Variants in GFOD1 observed in about 807,000 individuals in gnomAD.
GFOD1 encodes the protein glucose-fructose oxidoreductase domain-containing protein 1.
GFOD1 carries 9 observed loss-of-function variants against 25.4 expected under a neutral mutation model. The ratio of observed to expected loss-of-function variants is 0.35; its 90% CI spans 0.21 to 0.62. The LOEUF (loss-of-function observed/expected upper bound fraction) is 0.62. Among genes scored for constraint, GFOD1 ranks in the 20% least tolerant of loss-of-function variants. The pLI is 0.72. For synonymous variants in GFOD1, 253 were observed against 245.6 expected, an observed-to-expected ratio of 1.03 and a Z score of -0.28; for missense variants, 403 against 556.9, an observed-to-expected ratio of 0.72 and a Z score of 2.78.
chr6:13,372,644 G>A (rs1158190253), intron 1 of GFOD1, among the ~76,000 whole-genome samples: 3 of 152,182 alleles, frequency 2.0e-5, no homozygotes, highest in East Asian at 3.9e-4. Context: ...CACAGAGCAG[G>A]TACCCGTTGC....
intron 1 of GFOD1, among the ~76,000 whole-genome samples, chr6:13,373,375 T>C (rs1441528930): frequency 6.6e-6 from 1 of 152,224 alleles, no homozygotes; most frequent in Non-Finnish European, 1.5e-5. Context: ...TAATGGTGTT[T>C]AATGTGGAAT....
intron 1 of GFOD1, among the ~76,000 whole-genome samples, chr6:13,476,540 A>C (rs1277500272): frequency 1.3e-5 from 2 of 152,244 alleles, no homozygotes; most frequent in Non-Finnish European, 2.9e-5. Flanking sequence ...AATCACTTAC[A>C]ATGGGTGAAT....
intron 1 of GFOD1, among the ~76,000 whole-genome samples, chr6:13,388,652 T>TA (rs1415029587): frequency 6.6e-6 from 1 of 152,098 alleles, no homozygotes; most frequent in East Asian, 1.9e-4. Context: ...CCTAAAACCA[T>TA]AAAAACACTA....
chr6:13,366,470 AGAT>A (rs1475467550), intron 1 of GFOD1, among the ~76,000 whole-genome samples: 1 of 152,054 alleles, frequency 6.6e-6, no homozygotes, highest in Non-Finnish European at 1.5e-5. Flanking sequence ...CGAGTAGTTG[AGAT>A]TACAGGCGCC....
At chr6:13,398,941 C>A (rs944261789) in intron 1 of GFOD1, among the ~76,000 whole-genome samples, 4 of 152,312 alleles carry the variant, frequency 2.6e-5, no homozygotes, top group Non-Finnish European at 4.4e-5. Context: ...AAATCATGAG[C>A]CAGTTACAGT....
intron 1 of GFOD1, among the ~76,000 whole-genome samples, chr6:13,428,353 G>A (rs1757681367): frequency 6.6e-6 from 1 of 152,138 alleles, no homozygotes. Flanking sequence ...CTTATCACTG[G>A]GCCGTGTGAA....
chr6:13,482,156 T>C (rs1241859953), intron 1 of GFOD1, among the ~76,000 whole-genome samples: 1 of 148,766 alleles, frequency 6.7e-6, no homozygotes, highest in African/African-American at 2.4e-5. Context: ...AATATGTTAA[T>C]ATATGTATAT....
In GFOD1 at chr6:13,381,476, C is replaced by T. The variant is rs145374829; in HGVS notation, c.254-15814G>A. Among the ~76,000 whole-genome samples, 122 of 152,314 alleles carry T rather than the reference C, an allele frequency of 8.0e-4. 1 individual carries two copies. Among genetic ancestry groups the T allele is most frequent in the African/African-American group, 2.6e-3 (109 of 41,564 alleles). ...CCAGCCCCTGAGAAAAGGGTCCCAG[C>T]GGAGCTGAAAAGGTTCCCTTCTACA... On this transcript the variant is annotated intron_variant, in intron 1 of 1. Coordinates refer to ENST00000379287, the MANE Select transcript of GFOD1 (RefSeq NM_018988.4).
chr6:13,433,518 A>G (rs1255767603), intron 1 of GFOD1, among the ~76,000 whole-genome samples: 1 of 152,192 alleles, frequency 6.6e-6, no homozygotes. Flanking sequence ...TAGCTCCTCA[A>G]TTGGGACAAC....
intron 1 of GFOD1, among the ~76,000 whole-genome samples, chr6:13,385,525 T>C (rs1392103079): frequency 1.3e-5 from 2 of 152,190 alleles, no homozygotes; most frequent in Non-Finnish European, 2.9e-5. Context: ...TCTTGTCCTA[T>C]ATTTTTGCCA....
intron 1 of GFOD1, among the ~76,000 whole-genome samples, chr6:13,448,274 T>C (rs1758039295): frequency 6.6e-6 from 1 of 152,218 alleles, no homozygotes; most frequent in Admixed American, 6.5e-5. Flanking sequence ...ATGTACTCGT[T>C]CATTTACCTG....
Position 13,365,118 on chromosome 6 carries a change from G to A in GFOD1, c.798C>T (p.Tyr266=), listed in dbSNP as rs3800487. 6.6e-5 allele frequency: 106 copies of A among 1,612,888 alleles called. No individual in the cohort carries two copies. In the East Asian group the frequency reaches 2.3e-3, roughly 34 times the overall value. ...GCTCCGGGGCGCTGTTGCGCTGCCC[G>A]TACAGGTCGGTGCCCACGGCCAGCA... ...GRLLAVGTDL[Y]GQRNSAPEQE... The change falls in exon 2 of 2, where the codon TAC becomes TAT. Residue 266 remains tyrosine, a synonymous_variant. Coordinates refer to ENST00000379287, the MANE Select transcript of GFOD1 (RefSeq NM_018988.4). This position sits in a 1 kb window ranked among gnomAD's most constrained non-coding sequence, Gnocchi z 9.2.
At position 13,470,750 on chromosome 6, in the gene GFOD1, C is replaced by T. The variant is rs1331811760; in HGVS notation, c.253+15888G>A. ...GCCTGCCAGGGACACATTTAAATAA[C>T]AAGTACTCTAAAATCATTACTTTGC... On this transcript the variant is annotated intron_variant, in intron 1 of 1. Coordinates refer to ENST00000379287, the MANE Select transcript of GFOD1 (RefSeq NM_018988.4). 4.5e-6 allele frequency: 6 copies of T among 1,342,860 alleles called. No individual in the cohort carries two copies. The African/African-American group carries it at 8.9e-5, about 20-fold the overall frequency. 83.2% of individuals were successfully genotyped at this position (1,342,860 alleles called of 1,614,324 possible).
intron 1 of GFOD1, among the ~76,000 whole-genome samples, chr6:13,428,137 C>T (rs1443044514): frequency 2.6e-5 from 4 of 152,156 alleles, no homozygotes; most frequent in East Asian, 1.9e-4. Context: ...GGAAACAGAT[C>T]GTCTTTTCTA....
intron 1 of GFOD1, among the ~76,000 whole-genome samples, chr6:13,481,045 A>G (rs758686096): frequency 1.3e-5 from 2 of 152,190 alleles, no homozygotes; most frequent in Non-Finnish European, 2.9e-5. Context: ...ACCCTGGTGA[A>G]CCAAGCAGAC....
intron 1 of GFOD1, chr6:13,470,688 C>T (rs1242074902): frequency 3.8e-5 from 55 of 1,440,754 alleles, no homozygotes; most frequent in Non-Finnish European, 5.0e-5. Flanking sequence ...CTACCACCCA[C>T]TTTTGATTAT....
At chr6:13,389,528 C>T (rs937249692) in intron 1 of GFOD1, among the ~76,000 whole-genome samples, 1 of 152,118 alleles carries the variant, frequency 6.6e-6, no homozygotes, top group Non-Finnish European at 1.5e-5. Context: ...AAACCAAACA[C>T]CACATGATCT....
chr6:13,448,908 A>G (rs1758049857), intron 1 of GFOD1, among the ~76,000 whole-genome samples: 1 of 152,204 alleles, frequency 6.6e-6, no homozygotes, highest in Admixed American at 6.5e-5. Flanking sequence ...GCTAATTTTA[A>G]CGCTGGAATA....
At position 13,365,136 on chromosome 6, in the gene GFOD1, G is replaced by C. The variant is rs754200124; in HGVS notation, c.780C>G (p.Ala260=). Residue 260 remains alanine (A), a synonymous_variant, in exon 2 of 2, where the codon GCC becomes GCG. Transcript: ENST00000379287. This position sits in a 1 kb window ranked among gnomAD's most constrained non-coding sequence, Gnocchi z 9.2. ...GCTGCCCGTACAGGTCGGTGCCCACGGCCAGCAGGCGCCCGGCTGAGCCCA... is the reference window on the plus strand; with the variant it reads ...GCTGCCCGTACAGGTCGGTGCCCACCGCCAGCAGGCGCCCGGCTGAGCCCA... ...TVVGSAGRLL[A]VGTDLYGQRN... The C allele has an allele frequency of 6.2e-7, 1 of 1,613,120 alleles. No individual in the cohort carries two copies. The highest frequency in any genetic ancestry group is 1.3e-5 in the African/African-American group (1 of 74,938).
Sources: gnomAD v4.1 joint callset for allele counts (sites outside exome capture counted in the v4.1 genomes callset) on GRCh38, gnomAD v4.1.1 for gene constraint, Gnocchi (gnomAD v3.1) non-coding constraint, MANE v1.5 for transcripts, NCBI Gene and HGNC (gene_info 2026-07-23, HGNC 2026-07-21) for gene names.